Variants in KDM4B observed in about 807,000 individuals in gnomAD.
The protein encoded by KDM4B is lysine-specific demethylase 4B.
KDM4B carries 32 observed loss-of-function variants against 125.2 expected under a neutral mutation model. The ratio of observed to expected loss-of-function variants is 0.26; its 90% CI spans 0.19 to 0.34. The LOEUF is 0.34. Among genes scored for constraint, KDM4B ranks in the 10% least tolerant of loss-of-function variants. The probability of loss-of-function intolerance (pLI) is 1.00; values close to 1 mark genes in which losing one functional copy is unlikely to be tolerated. For synonymous variants in KDM4B, 721 were observed against 677.9 expected (o/e 1.06, Z -0.99); for missense variants, 1,190 against 1,577.7 (o/e 0.75, Z 4.16).
At chr19:4,989,769 C>G (rs191229185) in intron 1 of KDM4B, among the ~76,000 whole-genome samples, 148 of 152,302 alleles carry the variant, frequency 9.7e-4, no homozygotes, top group Admixed American at 1.4e-3. Flanking sequence ...TCTCCTGCCT[C>G]AGCCTCCTAA....
In KDM4B at chr19:5,144,169, C is replaced by T; in HGVS notation, c.2736+17C>T. 6.3e-7 allele frequency: 1 copy of T among 1,593,392 alleles called. No individual in the cohort carries two copies. ...GGTCACGCTGTGAGTGCCTGCCCGC[C>T]TCCTTGCCCCCAGCCCCTGGCTCCC... On this transcript the variant is annotated intron_variant, in intron 19 of 22. Coordinates refer to ENST00000159111, the MANE Select transcript of KDM4B (RefSeq NM_015015.3).
At chr19:5,029,826 C>G (rs1025259670) in intron 2 of KDM4B, among the ~76,000 whole-genome samples, 14 of 152,218 alleles carry the variant, frequency 9.2e-5, no homozygotes, top group Admixed American at 3.3e-4. Context: ...GATGCTGTCT[C>G]AAAAAACAAT....
At position 5,035,299 on chromosome 19, in the gene KDM4B, T is replaced by G. The variant is rs1208776676; in HGVS notation, c.141+2268T>G. 6.6e-6 allele frequency among the ~76,000 whole-genome samples: 1 copy of G among 152,166 alleles called. No homozygotes were observed. The highest frequency in any genetic ancestry group is 1.5e-5 in the Non-Finnish European group (1 of 68,016). Reference sequence around the variant, plus strand: ...TGACCTACTTCCACATTTCCCAGGATGCAGCAGCCCTTTCTGGCTTGGGAT... The same window carrying G: ...TGACCTACTTCCACATTTCCCAGGAGGCAGCAGCCCTTTCTGGCTTGGGAT... On this transcript the variant is annotated intron_variant, in intron 3 of 22. Coordinates refer to ENST00000159111, the MANE Select transcript of KDM4B (RefSeq NM_015015.3). The surrounding 1 kb of genome is among the most constrained non-coding windows in gnomAD (Gnocchi z 5.3).
chr19:5,057,026 A>ATGTGTGTG lies in KDM4B; in HGVS notation c.626+9359_626+9360insTGTGTGTG, dbSNP rs1404957430. Among the ~76,000 whole-genome samples, 64 of 124,888 alleles carry ATGTGTGTG rather than the reference A, an allele frequency of 5.1e-4. 1 individual carries two copies. The highest frequency in any genetic ancestry group is 2.3e-3 in the African/African-American group (63 of 27,796). The allele number at this position is 124,888 out of a possible 152,430, so 81.9% of individuals were successfully genotyped here. ...TAAAGCATGTAAGTACCAGATATAT[A>ATGTGTGTG]TGCGTGTGTGTGTGTGTGTGTGTGT... On this transcript the variant is annotated intron_variant, in intron 6 of 22. Transcript: ENST00000159111.
intron 20 of KDM4B, 75 bp from the exon 21 acceptor site, chr19:5,144,706 GGA>G: frequency 6.3e-7 from 1 of 1,577,214 alleles, no homozygotes; most frequent in Non-Finnish European, 8.6e-7. Context: ...TTGCCAGCGC[GGA>G]GAGGGTCTAA....
chr19:4,996,274 G>A (rs2035197893), intron 1 of KDM4B, among the ~76,000 whole-genome samples: 2 of 152,190 alleles, frequency 1.3e-5, no homozygotes, highest in South Asian at 4.1e-4. Context: ...ATAGGCGTGA[G>A]CTACTGCACC....
chr19:5,015,669 G>A (rs903183754), intron 1 of KDM4B, among the ~76,000 whole-genome samples: 1 of 152,230 alleles, frequency 6.6e-6, no homozygotes, highest in Admixed American at 6.5e-5. Context: ...GGACGCTATA[G>A]TGAGACCCTG....
chr19:5,107,098 T>G (rs1258370933), intron 9 of KDM4B, among the ~76,000 whole-genome samples: 2 of 152,218 alleles, frequency 1.3e-5, no homozygotes, highest in African/African-American at 4.8e-5. Context: ...CAGAGGCTGT[T>G]CAGCACTGAG....
At chr19:4,977,766 C>G (rs1244873560) in intron 1 of KDM4B, among the ~76,000 whole-genome samples, 1 of 152,160 alleles carries the variant, frequency 6.6e-6, no homozygotes, top group Non-Finnish European at 1.5e-5. Flanking sequence ...TCAGCCGGGA[C>G]TCAGGACTGC....
rs971677813 is a variant in KDM4B at position 5,081,566 on chromosome 19, A to G, written c.781-801A>G. Among the ~76,000 whole-genome samples the G allele has an allele frequency of 1.2e-4, 18 of 152,120 alleles. No homozygotes were observed. Among genetic ancestry groups the G allele is most frequent in the African/African-American group, 4.3e-4 (18 of 41,424 alleles). On this transcript the variant is annotated intron_variant, in intron 8 of 22. Coordinates refer to ENST00000159111, the MANE Select transcript of KDM4B (RefSeq NM_015015.3). The surrounding 1 kb of genome is among the most constrained non-coding windows in gnomAD (Gnocchi z 4.2). ...CACGCACGCCTCGGCTCCTCAGTTT[A>G]GGGGGTCCTGCTTCAGAGACCTGCA...
intron 3 of KDM4B, among the ~76,000 whole-genome samples, chr19:5,038,152 A>G (rs548746944): frequency 6.6e-6 from 1 of 152,318 alleles, no homozygotes; most frequent in South Asian, 2.1e-4. Flanking sequence ...CTCCCTGTGC[A>G]GTGGGTGGCC....
chr19:5,128,999 G>GC (rs1209028951), intron 11 of KDM4B, among the ~76,000 whole-genome samples: 1 of 152,156 alleles, frequency 6.6e-6, no homozygotes, highest in Non-Finnish European at 1.5e-5. Context: ...CCCGGCCAGT[G>GC]CCCCCAGTGC....
intron 9 of KDM4B, among the ~76,000 whole-genome samples, chr19:5,089,495 G>T (rs2038618670): frequency 6.6e-6 from 1 of 152,174 alleles, no homozygotes; most frequent in South Asian, 2.1e-4. Flanking sequence ...TTTGGGCATG[G>T]AGAGATGAGC....
At chr19:5,147,561 G>C (rs964129666) in intron 21 of KDM4B, among the ~76,000 whole-genome samples, 1 of 151,978 alleles carries the variant, frequency 6.6e-6, no homozygotes, top group African/African-American at 2.4e-5. Context: ...CCTGGGCAAC[G>C]CAGCAAAACC....
chr19:5,063,659 G>A (rs549133204), intron 6 of KDM4B, among the ~76,000 whole-genome samples: 2 of 152,212 alleles, frequency 1.3e-5, no homozygotes, highest in Admixed American at 6.5e-5. Flanking sequence ...ACGCAGGCAG[G>A]GACCGTGGCT....
chr19:5,030,741 G>A (rs1204645263), intron 2 of KDM4B, among the ~76,000 whole-genome samples: 1 of 152,250 alleles, frequency 6.6e-6, no homozygotes, highest in Admixed American at 6.5e-5. Flanking sequence ...CCCCTCGTGG[G>A]CCTCTGTGCC....
chr19:5,088,990 A>G (rs891143786), intron 9 of KDM4B, among the ~76,000 whole-genome samples: 1 of 152,112 alleles, frequency 6.6e-6, no homozygotes, highest in Non-Finnish European at 1.5e-5. Context: ...CATTTCTATG[A>G]AATGTCCGGG....
chr19:5,146,759 C>CG (rs1460905687), intron 21 of KDM4B, among the ~76,000 whole-genome samples: 3 of 66,820 alleles, frequency 4.5e-5, no homozygotes, highest in East Asian at 4.9e-4. Flanking sequence ...AGACCCCCCC[C>CG]CCCCCCACAA....
At position 5,137,298 on chromosome 19, in the gene KDM4B, G is replaced by A; in HGVS notation, c.2345G>A (p.Gly782Asp). The change falls in exon 16 of 23, where the codon GGC (glycine) becomes GAC (aspartate). Residue 782 changes from glycine (G) to aspartate (D), a missense_variant. Around this residue, in one of 7 missense-constraint regions of KDM4B, gnomAD observed 298 missense variants for 439.7 expected, o/e 0.68. Transcript: ENST00000159111. Reference sequence around the variant, plus strand: ...ATCCGTCCCGAGCTGGTCAATGAAGGCTGGACGTGTTCCCGGTGCGCGGCC... The same window carrying A: ...ATCCGTCCCGAGCTGGTCAATGAAGACTGGACGTGTTCCCGGTGCGCGGCC... ...YGIRPELVNE[G>D]WTCSRCAAHA... 6 of 1,581,620 alleles carry A rather than the reference G, an allele frequency of 3.8e-6. No individual in the cohort carries two copies. The highest frequency in any genetic ancestry group is 1.2e-5 in the South Asian group (1 of 86,298).
Sources: allele counts gnomAD v4.1 joint callset (sites outside exome capture counted in the v4.1 genomes callset), GRCh38; gene constraint gnomAD v4.1.1; regional missense constraint gnomAD v4.1.1; non-coding constraint Gnocchi (gnomAD v3.1); transcripts MANE v1.5; gene names NCBI Gene and HGNC (gene_info 2026-07-23, HGNC 2026-07-21).